USP33: variants seen among roughly 807,000 people sequenced by gnomAD.
The protein encoded by USP33 is ubiquitin carboxyl-terminal hydrolase 33.
Under a neutral mutation model 124.2 loss-of-function variants are expected in USP33, and 46 were observed. The observed-to-expected ratio is 0.37, with a 90% CI of 0.29 to 0.47. The LOEUF is 0.47. Ranked by LOEUF, USP33 falls within the 20% of genes least tolerant of loss-of-function variation. The probability of loss-of-function intolerance (pLI) is 0.99; values close to 1 mark genes in which losing one functional copy is unlikely to be tolerated. For missense variants in USP33, 851 were observed against 1,070.6 expected (o/e 0.79, Z 2.86); for synonymous variants, 350 against 352.3 (o/e 0.99, Z 0.07).
chr1:77,722,056 C>G lies in USP33; in HGVS notation c.1530G>C (p.Gly510=), dbSNP rs1336586334. The change falls in exon 13 of 24, where the codon GGG becomes GGC. Residue 510 remains glycine (G), a synonymous_variant. Transcript: ENST00000370794. ...CATATTCCATGAAAAAAGCTATCCACCCTTGTGGAGCATATGCTTCGCCAC... is the reference window on the plus strand; with the variant it reads ...CATATTCCATGAAAAAAGCTATCCAGCCTTGTGGAGCATATGCTTCGCCAC... ...GSCGEAYAPQ[G]WIAFFMEYVK... 2.5e-6 allele frequency: 4 copies of G among 1,613,864 alleles called. No homozygotes were observed. The highest frequency in any genetic ancestry group is 2.7e-5 in the African/African-American group (2 of 75,028).
chr1:77,737,063 T>G (rs2101527517), intron 5 of USP33, among the ~76,000 whole-genome samples: 1 of 151,372 alleles, frequency 6.6e-6, no homozygotes, highest in Non-Finnish European at 1.5e-5. Flanking sequence ...CGAAAAAAAC[T>G]TTGAGCTAAA....
In USP33 at chr1:77,739,286, T is replaced by C. The variant is rs762908077; in HGVS notation, c.330A>G (p.Gln110=). The C allele has an allele frequency of 1.2e-6, 2 of 1,613,166 alleles. No individual in the cohort carries two copies. Among genetic ancestry groups the C allele is most frequent in the East Asian group, 2.2e-5 (1 of 44,818 alleles). ...PSLPHVRQPH[Q]IQENSVQDFK... is the part of the protein sequence containing the mutation. ...TTACCTGGACACTGTTTTCTTGTAT[T>C]TGGTGAGGTTGTCTTACATGAGGCA... Residue 110 remains glutamine (Q), a synonymous_variant, in exon 5 of 24, where the codon CAA becomes CAG. Coordinates refer to ENST00000370794, the MANE Select transcript of USP33 (RefSeq NM_201624.3).
intron 16 of USP33, 125 bp from the exon 17 acceptor site, chr1:77,718,172 T>C (rs1676139919): frequency 1.2e-6 from 1 of 829,846 alleles, no homozygotes; most frequent in Non-Finnish European, 1.8e-6. Flanking sequence ...CAAATTACAA[T>C]TATGAAGTTA....
At chr1:77,721,089 G>A in intron 15 of USP33, 83 bp downstream of exon 15, 4 of 1,473,090 alleles carry the variant, frequency 2.7e-6, no homozygotes, top group Non-Finnish European at 2.8e-6. Context: ...AAATACAGTG[G>A]CAAATTTAAC....
Position 77,759,765 on chromosome 1 carries a change from G to A in USP33, c.-174C>T, listed in dbSNP as rs1213925882. 1 of 397,872 alleles carries A rather than the reference G, an allele frequency of 2.5e-6. No individual in the cohort carries two copies. The highest frequency in any genetic ancestry group is 4.4e-6 in the Non-Finnish European group (1 of 225,546). The allele number at this position is 397,872 out of a possible 1,614,324, so 24.6% of individuals were successfully genotyped here. On this transcript the variant is annotated 5_prime_UTR_variant, in exon 1 of 24. Coordinates refer to ENST00000370794, the MANE Select transcript of USP33 (RefSeq NM_201624.3). ...GGGCAGTGTCGCGTCAGGAGGGCCG[G>A]AAAACGGCCCCGCAGCGCTGCCCTC...
chr1:77,711,551 A>G (rs1374402079), intron 21 of USP33, 196 bp downstream of exon 21: 5 of 824,690 alleles, frequency 6.1e-6, no homozygotes, highest in Non-Finnish European at 8.7e-6. Flanking sequence ...ACACACACAC[A>G]CACACACACA....
chr1:77,728,634 C>A lies in USP33; in HGVS notation c.796G>T (p.Asp266Tyr), dbSNP rs1557845163. 6.2e-7 allele frequency: 1 copy of A among 1,614,114 alleles called. No individual in the cohort carries two copies. The highest frequency in any genetic ancestry group is 8.5e-7 in the Non-Finnish European group (1 of 1,180,010). Residue 266 changes from aspartate to tyrosine, a missense_variant, in exon 10 of 24, where the codon GAT (aspartate) becomes TAT (tyrosine). Coordinates refer to ENST00000370794, the MANE Select transcript of USP33 (RefSeq NM_201624.3). Reference sequence around the variant, plus strand: ...TCCTCAGTGGTTATGGTTTGCGGATCTTCTTCTACTTCCATGACTTGCTCT... The same window carrying A: ...TCCTCAGTGGTTATGGTTTGCGGATATTCTTCTACTTCCATGACTTGCTCT... ...LKEQVMEVEE[D>Y]PQTITTEETM...
At chr1:77,707,096 T>C (rs1674716246) in intron 21 of USP33, among the ~76,000 whole-genome samples, 1 of 152,178 alleles carries the variant, frequency 6.6e-6, no homozygotes, top group South Asian at 2.1e-4. Context: ...ACTACATTAC[T>C]ACATAGTAGG....
intron 21 of USP33, among the ~76,000 whole-genome samples, chr1:77,703,597 C>G (rs1479888259): frequency 6.6e-6 from 1 of 152,026 alleles, no homozygotes; most frequent in Non-Finnish European, 1.5e-5. Flanking sequence ...GCACTCTAGC[C>G]TGGACAAAAA....
chr1:77,708,121 A>G (rs1674832908), intron 21 of USP33, among the ~76,000 whole-genome samples: 2 of 152,208 alleles, frequency 1.3e-5, no homozygotes, highest in African/African-American at 4.8e-5. Context: ...GTGTAAGTGC[A>G]TATGGGTGCT....
At chr1:77,715,370 C>T (rs958433964) in intron 18 of USP33, among the ~76,000 whole-genome samples, 8 of 152,120 alleles carry the variant, frequency 5.3e-5, no homozygotes, top group Non-Finnish European at 2.9e-5. Context: ...CCACACCTGA[C>T]TAATTTTTGT....
intron 1 of USP33, among the ~76,000 whole-genome samples, chr1:77,756,105 C>T (rs761425862): frequency 6.6e-6 from 1 of 152,144 alleles, no homozygotes; most frequent in Non-Finnish European, 1.5e-5. Context: ...TCCCTCCTTA[C>T]TTTTTTCATT....
At position 77,721,938 on chromosome 1, in the gene USP33, T is replaced by C. The variant is rs761935442; in HGVS notation, c.1563-13A>G. 8.1e-6 allele frequency: 13 copies of C among 1,602,148 alleles called. No individual in the cohort carries two copies. Among genetic ancestry groups the C allele is most frequent in the Non-Finnish European group, 6.8e-6 (8 of 1,176,812 alleles). On this transcript the variant is annotated splice_polypyrimidine_tract_variant and intron_variant, in intron 13 of 23. Coordinates refer to ENST00000370794, the MANE Select transcript of USP33 (RefSeq NM_201624.3). The stretch of plus-strand genomic sequence containing the variant: ...TGAGACAACAAACCTGAAACATCAT[T>C]GATAGAAAAAAAAGGAAGTGTTCTG...
intron 1 of USP33, among the ~76,000 whole-genome samples, chr1:77,745,850 C>T (rs919243793): frequency 6.6e-5 from 10 of 151,564 alleles, no homozygotes; most frequent in African/African-American, 2.4e-4. Flanking sequence ...AAAGACACAA[C>T]ATACCAGAAT....
At chr1:77,698,096 C>T (rs1271015556) in intron 22 of USP33, among the ~76,000 whole-genome samples, 165 bp from the exon 23 acceptor site, 8 of 147,572 alleles carry the variant, frequency 5.4e-5, no homozygotes. Context: ...GATGGAGTCT[C>T]GCTCTGTTGC....
At chr1:77,723,943 C>A (rs542182081) in intron 11 of USP33, among the ~76,000 whole-genome samples, 1 of 151,946 alleles carries the variant, frequency 6.6e-6, no homozygotes, top group Non-Finnish European at 1.5e-5. Flanking sequence ...AGATTACAGG[C>A]GTGAGCCACC....
chr1:77,711,821 T>G lies in USP33; in HGVS notation c.2332A>C (p.Ile778Leu). The change falls in exon 21 of 24, where the codon ATT becomes CTT. Residue 778 changes from isoleucine to leucine, a missense_variant. Ile to Leu is a conservative substitution (Grantham distance 5, BLOSUM62 2). Coordinates refer to ENST00000370794, the MANE Select transcript of USP33 (RefSeq NM_201624.3). ...GCCTCAATTTGGCAAGTATGACAAATGTACAGATGGTTGACAGCTGGTCCT... is the reference window on the plus strand; with the variant it reads ...GCCTCAATTTGGCAAGTATGACAAAGGTACAGATGGTTGACAGCTGGTCCT... ...GGGPAVNHLY[I>L]CHTCQIEAEK... 1 of 1,608,996 alleles carries G rather than the reference T, an allele frequency of 6.2e-7. No homozygotes were observed. The highest frequency in any genetic ancestry group is 1.1e-5 in the South Asian group (1 of 89,706).
In USP33 at chr1:77,696,340, A is replaced by T. The variant is rs1673441167; in HGVS notation, c.*977T>A. On this transcript the variant is annotated 3_prime_UTR_variant, in exon 24 of 24. Transcript: ENST00000370794. ...TTTTTTAGTCACTGACATTAATACT[A>T]ACCAGGTTACAGGAATTGAAGTTTA... 6.6e-6 allele frequency: 1 copy of T among 152,664 alleles called. No individual in the cohort carries two copies. The highest frequency in any genetic ancestry group is 1.5e-5 in the Non-Finnish European group (1 of 68,038). 9.5% of individuals were successfully genotyped at this position (152,664 alleles called of 1,614,324 possible). A position where few individuals can be genotyped will look rare whatever the true frequency, so the allele number is the denominator to read the frequency against.
chr1:77,696,746 A>T lies in USP33; in HGVS notation c.*571T>A, dbSNP rs1397638825. 6.6e-6 allele frequency: 1 copy of T among 152,298 alleles called. No individual in the cohort carries two copies. The highest frequency in any genetic ancestry group is 1.5e-5 in the Non-Finnish European group (1 of 68,094). 9.4% of individuals were successfully genotyped at this position (152,298 alleles called of 1,614,324 possible). A position where few individuals can be genotyped will look rare whatever the true frequency, so the allele number is the denominator to read the frequency against. On this transcript the variant is annotated 3_prime_UTR_variant, in exon 24 of 24. Transcript: ENST00000370794. The stretch of plus-strand genomic sequence containing the variant: ...TGGATCTGCATGTAGTGTAAAGATT[A>T]AAGATAACCTACTGATTTCACAATT...
Sources: gnomAD v4.1 joint callset for allele counts (sites outside exome capture counted in the v4.1 genomes callset) on GRCh38, gnomAD v4.1.1 for gene constraint, MANE v1.5 for transcripts, NCBI Gene and HGNC (gene_info 2026-07-23, HGNC 2026-07-21) for gene names.